ADGRL2: variants seen among roughly 807,000 people sequenced by gnomAD.
The protein encoded by ADGRL2 is adhesion G protein-coupled receptor L2.
Under a neutral mutation model 157.4 loss-of-function variants are expected in ADGRL2, and 44 were observed. That is an observed-to-expected ratio of 0.28 (90% confidence interval 0.22 to 0.36). ADGRL2 has a LOEUF of 0.36. Ranked by LOEUF, ADGRL2 falls within the 10% of genes least tolerant of loss-of-function variation. The pLI is 1.00. For synonymous variants in ADGRL2, 585 were observed against 624.7 expected (o/e 0.94, Z 0.95); for missense variants, 1,510 against 1,768.9 (o/e 0.85, Z 2.63).
Position 81,326,653 on chromosome 1 carries a change from T to C in ADGRL2, c.-302+20144T>C, listed in dbSNP as rs777366158. Among the ~76,000 whole-genome samples, 6 of 152,146 alleles carry C rather than the reference T, an allele frequency of 3.9e-5. No homozygotes were observed. In the South Asian group the frequency reaches 6.2e-4, roughly 16 times the overall value. On this transcript the variant is annotated intron_variant, in intron 1 of 24. Transcript: ENST00000370721. ...AATTTGCTCTAGGGACAGAAATATA[T>C]AAAGCACATTAATGAAGATGTGAAC...
rs568978162 is a variant in ADGRL2, at chr1:81,832,832, G to T, written c.-100-4053G>T. The stretch of plus-strand genomic sequence containing the variant: ...ATTAGGGATAGCAAGGGTTTGCTTA[G>T]CTGACTTACTGAAGGAAAACTCCCA... On this transcript the variant is annotated intron_variant, in intron 1 of 23. Transcript: ENST00000686636. 9.6e-4 allele frequency among the ~76,000 whole-genome samples: 146 copies of T among 152,272 alleles called. 1 individual carries two copies. The Middle Eastern group carries it at 0.024, about 25-fold the overall frequency.
At chr1:81,772,484 T>C (rs981187496) in intron 2 of ADGRL2, among the ~76,000 whole-genome samples, 1 of 151,966 alleles carries the variant, frequency 6.6e-6, no homozygotes, top group Admixed American at 6.6e-5. Context: ...ATCCCAGCAC[T>C]GTGGGAGGCC....
At chr1:81,781,060 T>A (rs1484524415) in intron 2 of ADGRL2, among the ~76,000 whole-genome samples, 1 of 152,256 alleles carries the variant, frequency 6.6e-6, no homozygotes, top group Non-Finnish European at 1.5e-5. Context: ...GTTTTTGTTT[T>A]ACTTATTTAT....
At chr1:81,668,781 G>A (rs1369041825) in intron 3 of ADGRL2, among the ~76,000 whole-genome samples, 1 of 151,868 alleles carries the variant, frequency 6.6e-6, no homozygotes, top group Non-Finnish European at 1.5e-5. Context: ...TGTTGGCCAG[G>A]CTGTTCTTGA....
intron 2 of ADGRL2, among the ~76,000 whole-genome samples, chr1:81,524,733 T>A (rs1279716320): frequency 6.6e-6 from 1 of 152,128 alleles, no homozygotes; most frequent in Non-Finnish European, 1.5e-5. Flanking sequence ...CATTTATGTT[T>A]TTAAAATGGA....
At chr1:81,441,701 C>A (rs2077510351) in intron 1 of ADGRL2, among the ~76,000 whole-genome samples, 1 of 152,104 alleles carries the variant, frequency 6.6e-6, no homozygotes, top group Admixed American at 6.5e-5. Flanking sequence ...CCATGCCCAG[C>A]TAATTTTCTT....
intron 2 of ADGRL2, among the ~76,000 whole-genome samples, chr1:81,511,916 C>A (rs983615922): frequency 6.6e-6 from 1 of 151,858 alleles, no homozygotes; most frequent in Non-Finnish European, 1.5e-5. Flanking sequence ...CTTTTAAAAT[C>A]TCAACGTTTT....
intron 2 of ADGRL2, among the ~76,000 whole-genome samples, chr1:81,851,976 T>A (rs2093028808): frequency 6.6e-6 from 1 of 151,964 alleles, no homozygotes; most frequent in Admixed American, 6.6e-5. Flanking sequence ...GAATGGCGAA[T>A]TAAAAAATTA....
chr1:81,434,908 A>T (rs550576035), intron 1 of ADGRL2, among the ~76,000 whole-genome samples: 2 of 152,300 alleles, frequency 1.3e-5, no homozygotes, highest in African/African-American at 4.8e-5. Context: ...AAATCTGTGA[A>T]ATCAGGCAAC....
At chr1:81,659,585 A>G (rs2082610567) in intron 3 of ADGRL2, among the ~76,000 whole-genome samples, 1 of 152,198 alleles carries the variant, frequency 6.6e-6, no homozygotes, top group South Asian at 2.1e-4. Flanking sequence ...CATTCATTTA[A>G]AAAATGGATT....
rs1572397597 is a variant in ADGRL2 at position 81,963,764 on chromosome 1, TA to T, written c.2018-2293del. On this transcript the variant is annotated intron_variant, in intron 11 of 23. Coordinates refer to ENST00000686636, the MANE Select transcript of ADGRL2 (RefSeq NM_001366006.2). ...TGTCCAGGATATTATAAAATGTGTG[TA>T]TATTTTATTAAAGATTTTTTGCATC... 2.6e-5 allele frequency among the ~76,000 whole-genome samples: 4 copies of T among 151,608 alleles called. No individual in the cohort carries two copies. The East Asian group carries it at 7.8e-4, about 30-fold the overall frequency.
intron 2 of ADGRL2, among the ~76,000 whole-genome samples, chr1:81,580,458 G>A (rs2080883997): frequency 6.6e-6 from 1 of 152,126 alleles, no homozygotes; most frequent in African/African-American, 2.4e-5. Context: ...AACTGCCAGT[G>A]ATGCTGGGTG....
At chr1:81,610,436 G>A (rs991372402) in intron 3 of ADGRL2, among the ~76,000 whole-genome samples, 2 of 152,152 alleles carry the variant, frequency 1.3e-5, no homozygotes, top group Admixed American at 6.5e-5. Flanking sequence ...CACAAGTCCA[G>A]TGTGACTAGT....
At chr1:81,849,641 G>A (rs1160532818) in intron 2 of ADGRL2, among the ~76,000 whole-genome samples, 2 of 151,790 alleles carry the variant, frequency 1.3e-5, no homozygotes, top group Non-Finnish European at 2.9e-5. Flanking sequence ...ATTAATCTAA[G>A]TTTGATTTTA....
chr1:81,568,935 A>T (rs1040606582), intron 2 of ADGRL2, among the ~76,000 whole-genome samples: 2 of 152,120 alleles, frequency 1.3e-5, no homozygotes, highest in South Asian at 2.1e-4. Flanking sequence ...TTTTAGGTAG[A>T]CTGACAATAG....
chr1:81,907,116 T>C lies in ADGRL2; in HGVS notation c.173T>C (p.Met58Thr). 1.2e-6 allele frequency: 2 copies of C among 1,614,114 alleles called. No homozygotes were observed. The highest frequency in any genetic ancestry group is 1.7e-6 in the Non-Finnish European group (2 of 1,179,974). Residue 58 changes from methionine (M) to threonine (T), a missense_variant, in exon 3 of 24, where the codon ATG becomes ACG. Coordinates refer to ENST00000686636, the MANE Select transcript of ADGRL2 (RefSeq NM_001366006.2). ...DLRCPGSDVI[M>T]IESANYGRTD... ...CGATGCCCGGGCAGTGATGTCATCA[T>C]GATTGAGAGCGCTAACTATGGTCGG...
At chr1:81,323,945 G>A (rs932007207) in intron 1 of ADGRL2, among the ~76,000 whole-genome samples, 31 of 152,214 alleles carry the variant, frequency 2.0e-4, no homozygotes, top group Admixed American at 4.6e-4. Context: ...AAATGAGGCC[G>A]GATTGTTGTA....
At chr1:81,307,230 A>G (rs1659404625) in intron 1 of ADGRL2, among the ~76,000 whole-genome samples, 1 of 152,224 alleles carries the variant, frequency 6.6e-6, no homozygotes, top group Admixed American at 6.5e-5. Flanking sequence ...AATTTTTGAG[A>G]ATGATTTCAA....
chr1:81,391,014 TAAA>T (rs1434062958), intron 1 of ADGRL2, among the ~76,000 whole-genome samples: 3 of 152,294 alleles, frequency 2.0e-5, no homozygotes, highest in African/African-American at 7.2e-5. Context: ...TTTTGACACT[TAAA>T]GAAGATCCTC....
Sources: gnomAD v4.1 joint callset for allele counts (sites outside exome capture counted in the v4.1 genomes callset) on GRCh38, gnomAD v4.1.1 for gene constraint, MANE v1.5 for transcripts, NCBI Gene and HGNC (gene_info 2026-07-23, HGNC 2026-07-21) for gene names.